The following RAPGEF6 variants were observed in gnomAD, a reference collection of about 807,000 sequenced individuals.
The protein encoded by RAPGEF6 is Rap guanine nucleotide exchange factor 6, also known as PDZ domain containing guanine nucleotide exchange factor (GEF) 2.
In RAPGEF6, 56 loss-of-function variants were observed where a neutral mutation model predicts 171.4. That is an observed-to-expected ratio of 0.33 (90% confidence interval 0.26 to 0.41). The LOEUF is 0.41. RAPGEF6 is among the 10% of genes least tolerant of loss of function. The pLI, the probability that RAPGEF6 is intolerant of heterozygous loss-of-function variation, is 1.00. For synonymous variants in RAPGEF6, 692 were observed against 650.1 expected, an observed-to-expected ratio of 1.06 and a Z score of -0.98; for missense variants, 1,674 against 1,921.4, an observed-to-expected ratio of 0.87 and a Z score of 2.41.
intron 4 of RAPGEF6, among the ~76,000 whole-genome samples, chr5:131,567,185 C>T (rs1386998927): frequency 1.3e-5 from 2 of 150,738 alleles, no homozygotes; most frequent in Non-Finnish European, 3.0e-5. Context: ...AAATTTGTAT[C>T]TTTTTTTTCA....
intron 4 of RAPGEF6, among the ~76,000 whole-genome samples, chr5:131,568,023 G>A (rs1008898233): frequency 2.6e-5 from 4 of 152,112 alleles, no homozygotes; most frequent in Non-Finnish European, 4.4e-5. Context: ...AATATAGTTT[G>A]CCTGGTATAT....
rs188441419 is a variant in RAPGEF6, at chr5:131,423,953, T to C, written c.*3313A>G. On this transcript the variant is annotated 3_prime_UTR_variant, in exon 28 of 28. Transcript: ENST00000509018. ...AGATTCTTTATTGATTCCACCAATGTATTAGTAGATATGATAATAATAAAT... is the reference window on the plus strand; with the variant it reads ...AGATTCTTTATTGATTCCACCAATGCATTAGTAGATATGATAATAATAAAT... 121 of 152,438 alleles carry C rather than the reference T, an allele frequency of 7.9e-4. No homozygotes were observed. Among genetic ancestry groups the C allele is most frequent in the African/African-American group, 2.6e-3 (110 of 41,604 alleles). 9.4% of individuals were successfully genotyped at this position (152,438 alleles called of 1,614,324 possible).
rs1766567457 is a variant in RAPGEF6 at position 131,635,194 on chromosome 5, G to A, written c.-164C>T. The A allele has an allele frequency of 4.3e-6, 3 of 689,740 alleles. No individual in the cohort carries two copies. Among genetic ancestry groups the A allele is most frequent in the Middle Eastern group, 4.2e-4 (1 of 2,398 alleles). The allele number at this position is 689,740 out of a possible 1,614,324, so 42.7% of individuals were successfully genotyped here. A position where few individuals can be genotyped will look rare whatever the true frequency, so the allele number is the denominator to read the frequency against. On this transcript the variant is annotated 5_prime_UTR_variant, in exon 1 of 28. Transcript: ENST00000509018. ...CAACCCTTCGCAACGCCCGCCTAAG[G>A]CCTCTACCCACGCGCGACTGGCCGG...
At chr5:131,596,400 T>A (rs896415029) in intron 3 of RAPGEF6, among the ~76,000 whole-genome samples, 2 of 150,572 alleles carry the variant, frequency 1.3e-5, no homozygotes, top group African/African-American at 4.9e-5. Context: ...CAGTATATAT[T>A]AACACACACA....
chr5:131,566,391 T>A (rs1761938405), intron 4 of RAPGEF6, among the ~76,000 whole-genome samples: 1 of 152,184 alleles, frequency 6.6e-6, no homozygotes, highest in Admixed American at 6.5e-5. Flanking sequence ...TTAACTGACT[T>A]ACAAATGCCA....
At chr5:131,573,674 TAC>T (rs1331017735) in intron 4 of RAPGEF6, among the ~76,000 whole-genome samples, 2 of 151,940 alleles carry the variant, frequency 1.3e-5, no homozygotes, top group African/African-American at 4.8e-5. Flanking sequence ...TAGGCAAGAT[TAC>T]ACAGTCTCCT....
At chr5:131,502,422 CA>C (rs1216586835) in intron 11 of RAPGEF6, among the ~76,000 whole-genome samples, 1 of 152,200 alleles carries the variant, frequency 6.6e-6, no homozygotes, top group Non-Finnish European at 1.5e-5. Flanking sequence ...GATGACTTTA[CA>C]CTGAAGAAAC....
chr5:131,478,198 G>A (rs1466861848), intron 16 of RAPGEF6, among the ~76,000 whole-genome samples: 1 of 152,138 alleles, frequency 6.6e-6, no homozygotes, highest in African/African-American at 2.4e-5. Context: ...CTGGAAATAA[G>A]AACTCAGGAA....
At chr5:131,508,462 C>T (rs1407696952) in intron 8 of RAPGEF6, among the ~76,000 whole-genome samples, 1 of 152,170 alleles carries the variant, frequency 6.6e-6, no homozygotes, top group Non-Finnish European at 1.5e-5. Flanking sequence ...GAACAAGGAC[C>T]ATACAGGTTC....
intron 9 of RAPGEF6, among the ~76,000 whole-genome samples, chr5:131,507,190 T>C (rs557579041): frequency 8.5e-6 from 1 of 117,650 alleles, no homozygotes; most frequent in African/African-American, 3.2e-5. Flanking sequence ...ATATATATAG[T>C]ATGAAATTAT....
chr5:131,534,529 A>C (rs1199719694), intron 6 of RAPGEF6, among the ~76,000 whole-genome samples: 1 of 152,076 alleles, frequency 6.6e-6, no homozygotes, highest in Non-Finnish European at 1.5e-5. Context: ...AAATCTCACA[A>C]ATGCAAACAA....
At chr5:131,518,260 G>A (rs1359558760) in intron 7 of RAPGEF6, among the ~76,000 whole-genome samples, 2 of 151,818 alleles carry the variant, frequency 1.3e-5, no homozygotes, top group Non-Finnish European at 1.5e-5. Flanking sequence ...AAATATATAA[G>A]TATGTAGGTG....
At chr5:131,541,611 C>T (rs1393619813) in intron 6 of RAPGEF6, among the ~76,000 whole-genome samples, 2 of 151,658 alleles carry the variant, frequency 1.3e-5, no homozygotes, top group Non-Finnish European at 2.9e-5. Flanking sequence ...TCCATCTTGG[C>T]CTCTCAAAGT....
At chr5:131,555,892 G>A (rs1761206633) in intron 5 of RAPGEF6, among the ~76,000 whole-genome samples, 1 of 152,104 alleles carries the variant, frequency 6.6e-6, no homozygotes, top group Non-Finnish European at 1.5e-5. Flanking sequence ...ATCATAGAGT[G>A]CACTTACACA....
chr5:131,505,842 G>A (rs980227805), intron 9 of RAPGEF6, among the ~76,000 whole-genome samples: 2 of 152,112 alleles, frequency 1.3e-5, no homozygotes, highest in Non-Finnish European at 2.9e-5. Context: ...GAATGACTTT[G>A]GGTAAATTAT....
intron 24 of RAPGEF6, chr5:131,435,850 C>T: frequency 7.0e-7 from 1 of 1,429,070 alleles, no homozygotes; most frequent in Non-Finnish European, 9.1e-7. Context: ...TAGTATTTTA[C>T]TAAGTTGTCT....
intron 1 of RAPGEF6, among the ~76,000 whole-genome samples, chr5:131,612,201 A>ATTTTTTTTTTTTTT (rs35306366): frequency 1.2e-5 from 1 of 83,328 alleles, no homozygotes; most frequent in African/African-American, 4.3e-5. Context: ...TGCTCAGCTA[A>ATTTTTTTTTTTTTT]TTTTTTTTTT....
At chr5:131,473,493 C>T (rs1754893421) in intron 16 of RAPGEF6, among the ~76,000 whole-genome samples, 1 of 152,126 alleles carries the variant, frequency 6.6e-6, no homozygotes. Flanking sequence ...CAAATTTTAG[C>T]TTACTTTTAA....
chr5:131,632,210 CA>C (rs1322849560), intron 1 of RAPGEF6, among the ~76,000 whole-genome samples: 10 of 152,046 alleles, frequency 6.6e-5, no homozygotes, highest in Non-Finnish European at 1.5e-4. Context: ...ACTCCTCCTT[CA>C]TCTCTTACTA....
Sources: allele counts gnomAD v4.1 joint callset (sites outside exome capture counted in the v4.1 genomes callset), GRCh38; gene constraint gnomAD v4.1.1; transcripts MANE v1.5; gene names NCBI Gene and HGNC (gene_info 2026-07-23, HGNC 2026-07-21).